IFT122: variants seen among roughly 807,000 people sequenced by gnomAD.
IFT122 encodes intraflagellar transport 122.
A neutral mutation model predicts 161.6 loss-of-function variants in IFT122; 118 were observed. That is an observed-to-expected ratio of 0.73 (90% CI 0.63 to 0.85). IFT122 has a LOEUF of 0.85. Among genes scored for constraint, IFT122 ranks in the 40% least tolerant of loss-of-function variants. The probability of loss-of-function intolerance (pLI) is 0.00; values close to 1 mark genes in which losing one functional copy is unlikely to be tolerated. For missense variants in IFT122, 1,381 were observed against 1,579.6 expected (o/e 0.87, Z 2.13); for synonymous variants, 550 against 602.4 (o/e 0.91, Z 1.27).
intron 5 of IFT122, among the ~76,000 whole-genome samples, chr3:129,461,674 T>G (rs2076228887): frequency 6.6e-6 from 1 of 152,238 alleles, no homozygotes; most frequent in Non-Finnish European, 1.5e-5. Flanking sequence ...TGTCCTCACC[T>G]TTGTATTGAC....
At position 129,500,521 on chromosome 3, in the gene IFT122, C is replaced by T. The variant is rs76831764; in HGVS notation, c.2375+453C>T. On this transcript the variant is annotated intron_variant, in intron 19 of 29. Coordinates refer to ENST00000348417, the MANE Select transcript of IFT122 (RefSeq NM_052989.3). ...ATCTGCTGGATGTCGATGCCAACTA[C>T]GCGTGTAATGGTAGGAACAAAAACA... Among the ~76,000 whole-genome samples the T allele has an allele frequency of 2.2e-3, 337 of 152,306 alleles. 1 individual carries two copies. Among genetic ancestry groups the T allele is most frequent in the African/African-American group, 7.1e-3 (297 of 41,564 alleles).
intron 2 of IFT122, among the ~76,000 whole-genome samples, chr3:129,450,921 C>T (rs148327899): frequency 0.011 from 1,641 of 151,866 alleles, 32 homozygotes; most frequent in African/African-American, 0.037. Context: ...GGGGTTTCTC[C>T]GTGTTAGCCA....
At chr3:129,502,357 A>T (rs1356941162) in intron 19 of IFT122, among the ~76,000 whole-genome samples, 1 of 152,186 alleles carries the variant, frequency 6.6e-6, no homozygotes, top group Non-Finnish European at 1.5e-5. Context: ...GGAAATAATC[A>T]TGCCCACCTC....
At chr3:129,483,451 T>C (rs2078908177) in intron 14 of IFT122, 34 bp from the exon 15 acceptor site, 2 of 1,596,268 alleles carry the variant, frequency 1.3e-6, no homozygotes, top group Non-Finnish European at 1.7e-6. Context: ...CCCAGGGTGG[T>C]TCTCACAGGA....
chr3:129,481,715 C>T (rs1357442974), intron 14 of IFT122, 21 bp downstream of exon 14: 2 of 1,612,644 alleles, frequency 1.2e-6, no homozygotes, highest in South Asian at 1.1e-5. Flanking sequence ...TGAGGGGGCC[C>T]AGGGACATCA....
At chr3:129,472,541 A>G (rs2077472412) in intron 9 of IFT122, among the ~76,000 whole-genome samples, 1 of 152,194 alleles carries the variant, frequency 6.6e-6, no homozygotes, top group Non-Finnish European at 1.5e-5. Flanking sequence ...CAATATTGGA[A>G]TGCTTAAGCA....
chr3:129,445,032 G>A (rs1312020741), intron 1 of IFT122, among the ~76,000 whole-genome samples: 1 of 152,108 alleles, frequency 6.6e-6, no homozygotes, highest in Non-Finnish European at 1.5e-5. Context: ...AGGCCAGATT[G>A]CCTGGGTTTG....
intron 15 of IFT122, among the ~76,000 whole-genome samples, chr3:129,486,438 CAT>C (rs2079292833): frequency 6.6e-6 from 1 of 152,204 alleles, no homozygotes; most frequent in Non-Finnish European, 1.5e-5. Flanking sequence ...ATTACTGACT[CAT>C]AAAATAGCAA....
At chr3:129,499,058 A>T (rs1446507447) in intron 18 of IFT122, among the ~76,000 whole-genome samples, 1 of 152,184 alleles carries the variant, frequency 6.6e-6, no homozygotes, top group Non-Finnish European at 1.5e-5. Context: ...CTGATCTCTG[A>T]GCCTCCAGGA....
chr3:129,517,173 C>T (rs2084005314), intron 26 of IFT122, among the ~76,000 whole-genome samples: 1 of 148,688 alleles, frequency 6.7e-6, no homozygotes, highest in South Asian at 2.2e-4. Context: ...ACTGCCTCTG[C>T]ACACACACAG....
intron 3 of IFT122, chr3:129,456,405 A>G: frequency 1.8e-6 from 1 of 540,928 alleles, no homozygotes; most frequent in Non-Finnish European, 2.8e-6. Flanking sequence ...TTGGGAAGCC[A>G]AGGCGGGTGG....
chr3:129,461,029 A>G (rs2076160863), intron 4 of IFT122, 199 bp from the exon 5 acceptor site: 2 of 1,118,338 alleles, frequency 1.8e-6, no homozygotes, highest in Non-Finnish European at 2.7e-6. Context: ...CTCTACAAAT[A>G]AGAAAACAGT....
intron 21 of IFT122, among the ~76,000 whole-genome samples, chr3:129,504,695 TGCACTGCAGTGTATCTTCCC>T (rs1345730007): frequency 6.6e-6 from 1 of 152,228 alleles, no homozygotes; most frequent in Non-Finnish European, 1.5e-5. Flanking sequence ...CAAAGTGCTG[TGCACTGCAGTGTATCTTCCC>T]GTTTAATCCT....
At chr3:129,504,785 C>T (rs1003098945) in intron 21 of IFT122, among the ~76,000 whole-genome samples, 5 of 152,142 alleles carry the variant, frequency 3.3e-5, no homozygotes, top group African/African-American at 9.7e-5. Flanking sequence ...GATGAGAAAA[C>T]TGAAGGGTAA....
chr3:129,476,128 A>G lies in IFT122; in HGVS notation c.817-187A>G, dbSNP rs73204211. 54,434 of 659,042 alleles carry G rather than the reference A, an allele frequency of 0.083. 2,558 individuals carry two copies. Among genetic ancestry groups the G allele is most frequent in the Middle Eastern group, 0.13 (367 of 2,740 alleles). The allele number at this position is 659,042 out of a possible 1,614,324, so 40.8% of individuals were successfully genotyped here. ...AGCTGAGGTTTGGGCTGTGTAGAGG[A>G]TGAGTAGGGAGATGCAGAGGCAGAG... On this transcript the variant is annotated intron_variant, in intron 9 of 29. Coordinates refer to ENST00000348417, the MANE Select transcript of IFT122 (RefSeq NM_052989.3).
Position 129,514,474 on chromosome 3 carries a change from C to T in IFT122, c.3073C>T (p.Leu1025=), listed in dbSNP as rs778888913. 6.2e-7 allele frequency: 1 copy of T among 1,614,230 alleles called. No homozygotes were observed. The highest frequency in any genetic ancestry group is 1.1e-5 in the South Asian group (1 of 91,078). ...ARHAYDKLRG[L]YIPARFQKSI... ...GCACGCCTATGACAAGCTGCGTGGCCTGTACATCCCTGCCAGATTCCAAAA... is the reference window on the plus strand; with the variant it reads ...GCACGCCTATGACAAGCTGCGTGGCTTGTACATCCCTGCCAGATTCCAAAA... The change falls in exon 25 of 30, where the codon CTG becomes TTG. Residue 1025 remains leucine (L), a synonymous_variant. Transcript: ENST00000348417.
chr3:129,493,330 G>A (rs1283166819), intron 17 of IFT122, among the ~76,000 whole-genome samples: 2 of 152,190 alleles, frequency 1.3e-5, no homozygotes, highest in African/African-American at 2.4e-5. Flanking sequence ...GCCAGCCCTT[G>A]TGCCGAGCTC....
chr3:129,478,491 G>C (rs1480186424), intron 12 of IFT122, among the ~76,000 whole-genome samples: 1 of 152,132 alleles, frequency 6.6e-6, no homozygotes, highest in East Asian at 1.9e-4. Context: ...GTCTTGCTCT[G>C]TTGCCCAGGC....
chr3:129,500,657 A>G (rs1407635864), intron 19 of IFT122, among the ~76,000 whole-genome samples: 1 of 152,230 alleles, frequency 6.6e-6, no homozygotes, highest in Non-Finnish European at 1.5e-5. Context: ...CAAGAGGTAA[A>G]TAGAGATGGC....
Sources: gnomAD v4.1 joint callset for allele counts (sites outside exome capture counted in the v4.1 genomes callset) on GRCh38, gnomAD v4.1.1 for gene constraint, MANE v1.5 for transcripts, NCBI Gene and HGNC (gene_info 2026-07-23, HGNC 2026-07-21) for gene names.